Variants in SH3RF1 observed in about 807,000 individuals in gnomAD.
SH3RF1 encodes the protein SH3 domain containing ring finger 1.
Under a neutral mutation model 74.0 loss-of-function variants are expected in SH3RF1, and 32 were observed. The observed-to-expected ratio is 0.43, with a 90% CI of 0.33 to 0.58. SH3RF1 has a LOEUF of 0.58. Ranked by LOEUF, SH3RF1 falls within the 20% of genes least tolerant of loss-of-function variation. The probability of loss-of-function intolerance (pLI) is 0.05; values close to 1 mark genes in which losing one functional copy is unlikely to be tolerated. For missense variants in SH3RF1, 954 were observed against 1,130.9 expected (o/e 0.84, Z 2.24); for synonymous variants, 396 against 439.6 (o/e 0.90, Z 1.24).
At chr4:169,103,965 A>C (rs1733086847) in intron 11 of SH3RF1, among the ~76,000 whole-genome samples, 1 of 152,112 alleles carries the variant, frequency 6.6e-6, no homozygotes, top group Non-Finnish European at 1.5e-5. Flanking sequence ...CATGTTCCCT[A>C]TCTGATGTGC....
rs114927689 is a variant in SH3RF1 at position 169,262,360 on chromosome 4, C to T, written c.393+6460G>A. On this transcript the variant is annotated intron_variant, in intron 2 of 11. Coordinates refer to ENST00000284637, the MANE Select transcript of SH3RF1 (RefSeq NM_020870.4). ...ATACATTTTGAAATCTACATTCTTT[C>T]TCATTTTAAAAATGATAACACTTAG... 8.7e-3 allele frequency among the ~76,000 whole-genome samples: 1,325 copies of T among 152,170 alleles called. 13 individuals carry two copies. The highest frequency in any genetic ancestry group is 0.03 in the African/African-American group (1,250 of 41,488).
intron 2 of SH3RF1, among the ~76,000 whole-genome samples, chr4:169,159,185 G>A (rs972067296): frequency 3.3e-5 from 5 of 151,908 alleles, no homozygotes; most frequent in Admixed American, 6.6e-5. Context: ...CATTCACAAC[G>A]CTGTGTACTC....
In SH3RF1 at chr4:169,122,161, T is replaced by A. The variant is rs780088803; in HGVS notation, c.1285A>T (p.Arg429Trp). 6.8e-6 allele frequency: 11 copies of A among 1,613,344 alleles called. No individual in the cohort carries two copies. In the Admixed American group the frequency reaches 1.8e-4, roughly 27 times the overall value. ...AAAAAAGMGP[R>W]PMAGSTDQIA... ...TGGTCAGTGGATCCTGCCATGGGCC[T>A]CGGTCCCATTCCAGCAGCAGCAGCA... The change falls in exon 7 of 12, where the codon AGG (arginine) becomes TGG (tryptophan). Residue 429 changes from arginine to tryptophan, a missense_variant. Arg to Trp is a moderately radical substitution (Grantham distance 101, BLOSUM62 -3). This residue lies in a region of SH3RF1 where 854 missense variants were observed against 962.5 expected (regional missense o/e 0.89). Coordinates refer to ENST00000284637, the MANE Select transcript of SH3RF1 (RefSeq NM_020870.4).
intron 5 of SH3RF1, among the ~76,000 whole-genome samples, chr4:169,135,107 G>T (rs1027750736): frequency 2.6e-5 from 4 of 152,116 alleles, no homozygotes; most frequent in Non-Finnish European, 5.9e-5. Context: ...GGCCCAGGTA[G>T]GATGTTCACT....
intron 2 of SH3RF1, among the ~76,000 whole-genome samples, chr4:169,164,141 C>G (rs188310454): frequency 7.0e-4 from 107 of 152,302 alleles, no homozygotes; most frequent in Non-Finnish European, 1.2e-4. Context: ...TGGCCCTTAT[C>G]TTACTCAGTT....
chr4:169,129,330 A>T (rs1200638652), intron 6 of SH3RF1, among the ~76,000 whole-genome samples: 2 of 152,244 alleles, frequency 1.3e-5, no homozygotes, highest in Admixed American at 1.3e-4. Flanking sequence ...CTTAAACAAC[A>T]GTCTTTCTCT....
rs1231854202 is a variant in SH3RF1 at position 169,096,242 on chromosome 4, A to T, written c.*277T>A. 3.1e-6 allele frequency: 1 copy of T among 318,414 alleles called. No individual in the cohort carries two copies. The highest frequency in any genetic ancestry group is 5.7e-6 in the Non-Finnish European group (1 of 176,630). 19.7% of individuals were successfully genotyped at this position (318,414 alleles called of 1,614,324 possible). On this transcript the variant is annotated 3_prime_UTR_variant, in exon 12 of 12. Coordinates refer to ENST00000284637, the MANE Select transcript of SH3RF1 (RefSeq NM_020870.4). ...AGCCTTGTAAACAATTGTCCATTTT[A>T]GTCATATATCTTAAAAAAAAAAAAA...
intron 2 of SH3RF1, among the ~76,000 whole-genome samples, chr4:169,209,846 A>G (rs1730328983): frequency 6.6e-6 from 1 of 152,072 alleles, no homozygotes; most frequent in Non-Finnish European, 1.5e-5. Flanking sequence ...CTGGAGTGCA[A>G]TGACACAATC....
intron 2 of SH3RF1, among the ~76,000 whole-genome samples, chr4:169,258,656 G>T (rs904116885): frequency 1.3e-5 from 2 of 151,968 alleles, no homozygotes; most frequent in African/African-American, 4.8e-5. Flanking sequence ...ACTGTTCAAA[G>T]ATTTTGAAAA....
At chr4:169,219,325 T>C (rs1385691413) in intron 2 of SH3RF1, among the ~76,000 whole-genome samples, 1 of 152,198 alleles carries the variant, frequency 6.6e-6, no homozygotes, top group South Asian at 2.1e-4. Context: ...ATACTTGATG[T>C]ATTCAAGAAA....
intron 11 of SH3RF1, among the ~76,000 whole-genome samples, chr4:169,099,264 CT>C (rs940877897): frequency 4.6e-5 from 7 of 152,126 alleles, no homozygotes; most frequent in Non-Finnish European, 1.0e-4. Context: ...AATCTTTTTA[CT>C]TTTTGTAGGG....
At chr4:169,178,260 C>T (rs1324346012) in intron 2 of SH3RF1, among the ~76,000 whole-genome samples, 1 of 61,812 alleles carries the variant, frequency 1.6e-5, no homozygotes, top group Non-Finnish European at 3.6e-5. Context: ...AACAAATAAA[C>T]AAAAAAAAAA....
In SH3RF1 at chr4:169,122,188, C is replaced by T. The variant is rs200935929; in HGVS notation, c.1258G>A (p.Ala420Thr). 1.9e-5 allele frequency: 30 copies of T among 1,613,570 alleles called. No individual in the cohort carries two copies. The highest frequency in any genetic ancestry group is 1.1e-4 in the East Asian group (5 of 44,884). The change falls in exon 7 of 12, where the codon GCT (alanine) becomes ACT (threonine). Residue 420 changes from alanine (A) to threonine (T), a missense_variant. By Grantham distance (58) the Ala-to-Thr change is moderately conservative. Transcript: ENST00000284637. ...LASTPPGATAAAAAAGMGPRP... is the reference protein window; with the variant it reads ...LASTPPGATATAAAAGMGPRP... Reference sequence around the variant, plus strand: ...GGTCCCATTCCAGCAGCAGCAGCAGCGGCGGTGGCGCCTGGTGGTGTGGAG... The same window carrying T: ...GGTCCCATTCCAGCAGCAGCAGCAGTGGCGGTGGCGCCTGGTGGTGTGGAG...
chr4:169,254,398 TA>T (rs1469210002), intron 2 of SH3RF1, among the ~76,000 whole-genome samples: 1 of 152,176 alleles, frequency 6.6e-6, no homozygotes, highest in Non-Finnish European at 1.5e-5. Flanking sequence ...ATATTCAAAA[TA>T]AATGTAATAA....
rs1283205552 is a variant in SH3RF1, at chr4:169,095,434, T to C, written c.*1085A>G. 1.3e-5 allele frequency: 2 copies of C among 152,612 alleles called. No individual in the cohort carries two copies. The highest frequency in any genetic ancestry group is 4.8e-5 in the African/African-American group (2 of 41,446). The allele number at this position is 152,612 out of a possible 1,614,324, so 9.5% of individuals were successfully genotyped here. ...AAATCGCAATGAAATATACACACCA[T>C]GCACAGTCTATATTACTGTGGGAAT... On this transcript the variant is annotated 3_prime_UTR_variant, in exon 12 of 12. Coordinates refer to ENST00000284637, the MANE Select transcript of SH3RF1 (RefSeq NM_020870.4).
chr4:169,226,588 C>G (rs550475790), intron 2 of SH3RF1, among the ~76,000 whole-genome samples: 8 of 152,160 alleles, frequency 5.3e-5, no homozygotes, highest in Admixed American at 2.6e-4. Context: ...TTCCTTACCC[C>G]CCTAGAAAGG....
intron 2 of SH3RF1, among the ~76,000 whole-genome samples, chr4:169,184,888 T>C (rs947641633): frequency 1.3e-5 from 2 of 152,154 alleles, no homozygotes; most frequent in Admixed American, 1.3e-4. Flanking sequence ...TTGCAAGGGA[T>C]TGTCTGTGAG....
chr4:169,117,816 TC>T lies in SH3RF1; in HGVS notation c.1518-35del, dbSNP rs1733363346. 5.1e-6 allele frequency: 8 copies of T among 1,583,200 alleles called. No homozygotes were observed. The East Asian group carries it at 1.8e-4, about 36-fold the overall frequency. On this transcript the variant is annotated intron_variant, in intron 8 of 11. Coordinates refer to ENST00000284637, the MANE Select transcript of SH3RF1 (RefSeq NM_020870.4). ...ACACAAACATAGATGGAAAGCCCAG[TC>T]CATCAGCAAAATGACAGAAAGAACA...
At chr4:169,220,138 A>G (rs535905089) in intron 2 of SH3RF1, 2 of 152,366 alleles carry the variant, frequency 1.3e-5, no homozygotes, top group African/African-American at 4.8e-5. Flanking sequence ...TCTATAGGTA[A>G]CTTAGAAAAG....
Sources: gnomAD v4.1 joint callset for allele counts (sites outside exome capture counted in the v4.1 genomes callset) on GRCh38, gnomAD v4.1.1 for gene constraint, gnomAD v4.1.1 regional missense constraint, MANE v1.5 for transcripts, NCBI Gene and HGNC (gene_info 2026-07-23, HGNC 2026-07-21) for gene names.